Variants in SLC8A3 observed in about 807,000 individuals in gnomAD.
The protein encoded by SLC8A3 is sodium/calcium exchanger 3.
Under a neutral mutation model 65.4 loss-of-function variants are expected in SLC8A3, and 37 were observed. The observed-to-expected ratio is 0.57, with a 90% CI of 0.44 to 0.74. The LOEUF is 0.74. Ranked by LOEUF, SLC8A3 falls within the 30% of genes least tolerant of loss-of-function variation. The pLI, the probability that SLC8A3 is intolerant of heterozygous loss-of-function variation, is 0.00. For synonymous variants in SLC8A3, 461 were observed against 444.5 expected, an observed-to-expected ratio of 1.04 and a Z score of -0.47; for missense variants, 1,112 against 1,172.1, an observed-to-expected ratio of 0.95 and a Z score of 0.75.
Position 70,045,627 on chromosome 14 carries a change from A to C in SLC8A3, c.*320T>G. ...GGCAAAGGAATAATCAAAAGATGGAATAGAAGGAGGCGAAAGGCTCTGACC... is the reference window on the plus strand; with the variant it reads ...GGCAAAGGAATAATCAAAAGATGGACTAGAAGGAGGCGAAAGGCTCTGACC... On this transcript the variant is annotated 3_prime_UTR_variant, in exon 7 of 7. Transcript: ENST00000356921. The C allele has an allele frequency of 4.3e-6, 1 of 231,858 alleles. No homozygotes were observed. 14.4% of individuals were successfully genotyped at this position (231,858 alleles called of 1,614,324 possible).
intron 2 of SLC8A3, among the ~76,000 whole-genome samples, chr14:70,087,552 T>TC (rs1891521508): frequency 6.6e-6 from 1 of 152,148 alleles, no homozygotes; most frequent in East Asian, 1.9e-4. Flanking sequence ...AGCTATAATC[T>TC]CCCCCTTTTT....
chr14:70,174,650 C>A (rs1057278571), intron 1 of SLC8A3, among the ~76,000 whole-genome samples: 2 of 105,428 alleles, frequency 1.9e-5, no homozygotes, highest in African/African-American at 9.9e-5. Flanking sequence ...GGACCAAATC[C>A]GTTTTTTTTT....
At chr14:70,139,882 A>G (rs2140264064) in intron 2 of SLC8A3, among the ~76,000 whole-genome samples, 1 of 152,306 alleles carries the variant, frequency 6.6e-6, no homozygotes, top group African/African-American at 2.4e-5. Context: ...TGAAAGACAG[A>G]GTGTGTGACA....
chr14:70,144,262 T>G (rs1895756371), intron 2 of SLC8A3, among the ~76,000 whole-genome samples: 2 of 146,316 alleles, frequency 1.4e-5, no homozygotes, highest in African/African-American at 5.1e-5. Flanking sequence ...ACACAAAGAG[T>G]TTTTATGGGA....
intron 2 of SLC8A3, among the ~76,000 whole-genome samples, chr14:70,067,223 G>A (rs10138883): frequency 0.051 from 7,746 of 152,190 alleles, 216 homozygotes; most frequent in Non-Finnish European, 0.065. Context: ...GATCGTTTGC[G>A]TCTCTGAGTA....
At chr14:70,099,648 G>A (rs948052877) in intron 2 of SLC8A3, among the ~76,000 whole-genome samples, 3 of 152,160 alleles carry the variant, frequency 2.0e-5, no homozygotes, top group African/African-American at 7.2e-5. Flanking sequence ...TTGAAGCATG[G>A]CAGGAAAATG....
chr14:70,168,381 G>A lies in SLC8A3; in HGVS notation c.42C>T (p.Leu14=). ...LRLQPLTSAF[L]HFGLVTFVLF... is the part of the protein sequence containing the mutation. ...GCACAAAGGTAACCAGCCCAAAATG[G>A]AGGAAGGCAGAGGTGAGAGGCTGCA... is the stretch of plus-strand genomic sequence containing the variant. Residue 14 remains leucine, a synonymous_variant, in exon 2 of 7, where the codon CTC becomes CTT. Transcript: ENST00000356921. 1 of 1,614,098 alleles carries A rather than the reference G, an allele frequency of 6.2e-7. No homozygotes were observed. The highest frequency in any genetic ancestry group is 8.5e-7 in the Non-Finnish European group (1 of 1,179,996).
intron 2 of SLC8A3, among the ~76,000 whole-genome samples, chr14:70,087,258 TGAA>T (rs911618202): frequency 2.6e-5 from 4 of 152,222 alleles, no homozygotes; most frequent in African/African-American, 4.8e-5. Context: ...GCATTTAATG[TGAA>T]GAAGAAGAAC....
At chr14:70,060,720 G>A (rs1253349913) in intron 3 of SLC8A3, 116 bp downstream of exon 3, 1 of 771,552 alleles carries the variant, frequency 1.3e-6, no homozygotes, top group Non-Finnish European at 2.4e-6. Context: ...GAGGAGAAGG[G>A]AAGAAAAGGA....
chr14:70,069,183 A>G (rs1251887554), intron 2 of SLC8A3, among the ~76,000 whole-genome samples: 1 of 152,334 alleles, frequency 6.6e-6, no homozygotes, highest in Non-Finnish European at 1.5e-5. Flanking sequence ...TCTGGATGTC[A>G]TTCCCAAGCT....
intron 2 of SLC8A3, among the ~76,000 whole-genome samples, chr14:70,130,515 G>A (rs530876208): frequency 6.6e-6 from 1 of 152,324 alleles, no homozygotes; most frequent in East Asian, 1.9e-4. Context: ...CTTTCCTGCA[G>A]TCCTCTGCAA....
chr14:70,131,219 CT>C (rs1894809523), intron 2 of SLC8A3, among the ~76,000 whole-genome samples: 1 of 149,524 alleles, frequency 6.7e-6, no homozygotes, highest in African/African-American at 2.4e-5. Context: ...GGAGCTTGGA[CT>C]GCAGAAGGCC....
intron 2 of SLC8A3, among the ~76,000 whole-genome samples, chr14:70,063,070 GC>G (rs1478953033): frequency 1.3e-5 from 2 of 152,208 alleles, no homozygotes; most frequent in African/African-American, 4.8e-5. Context: ...ACTCTGAGAA[GC>G]CCCATGGACC....
intron 1 of SLC8A3, among the ~76,000 whole-genome samples, chr14:70,176,050 T>C (rs561802060): frequency 1.4e-4 from 22 of 152,230 alleles, no homozygotes; most frequent in Non-Finnish European, 2.2e-4. Context: ...TGAAACTCTA[T>C]TGATAGGACT....
intron 2 of SLC8A3, among the ~76,000 whole-genome samples, chr14:70,146,792 C>T (rs896978145): frequency 2.6e-5 from 4 of 152,118 alleles, no homozygotes; most frequent in Non-Finnish European, 4.4e-5. Context: ...GAAAATGGCC[C>T]TTAAGCATAC....
intron 2 of SLC8A3, among the ~76,000 whole-genome samples, chr14:70,152,770 C>T (rs182391440): frequency 1.9e-3 from 287 of 152,300 alleles, no homozygotes; most frequent in Middle Eastern, 6.8e-3. Flanking sequence ...TGCAGAACTG[C>T]GTCCAATCTG....
At position 70,045,806 on chromosome 14, in the gene SLC8A3, TA is replaced by T; in HGVS notation, c.*140del. 1.3e-6 allele frequency: 1 copy of T among 766,328 alleles called. No individual in the cohort carries two copies. The highest frequency in any genetic ancestry group is 2.0e-6 in the Non-Finnish European group (1 of 492,388). 47.5% of individuals were successfully genotyped at this position (766,328 alleles called of 1,614,324 possible). On this transcript the variant is annotated 3_prime_UTR_variant, in exon 7 of 7. Coordinates refer to ENST00000356921, the MANE Select transcript of SLC8A3 (RefSeq NM_182932.3). Reference sequence around the variant, plus strand: ...GCCCTTTCAGTTAATTGCCAGGGCCTAAGTTGGGTGAAGTTCCTGGGGCTTA... The same window carrying T: ...GCCCTTTCAGTTAATTGCCAGGGCCTAGTTGGGTGAAGTTCCTGGGGCTTA...
chr14:70,152,499 AACAAC>A (rs139403936), intron 2 of SLC8A3, among the ~76,000 whole-genome samples: 1 of 41,594 alleles, frequency 2.4e-5, no homozygotes, highest in East Asian at 3.5e-3. Flanking sequence ...AAACAACAAC[AACAAC>A]AAAACAACAA....
At position 70,045,765 on chromosome 14, in the gene SLC8A3, G is replaced by T; in HGVS notation, c.*182C>A. The T allele has an allele frequency of 1.8e-6, 1 of 547,214 alleles. No individual in the cohort carries two copies. The allele number at this position is 547,214 out of a possible 1,614,324, so 33.9% of individuals were successfully genotyped here. On this transcript the variant is annotated 3_prime_UTR_variant, in exon 7 of 7. Transcript: ENST00000356921. ...AAAGTCGGTGATTCCTCCATTGTTT[G>T]ATTGATTAAGACTTTGCCCTTTCAG...
Sources: gnomAD v4.1 joint callset for allele counts (sites outside exome capture counted in the v4.1 genomes callset) on GRCh38, gnomAD v4.1.1 for gene constraint, MANE v1.5 for transcripts, NCBI Gene and HGNC (gene_info 2026-07-23, HGNC 2026-07-21) for gene names.